The following LRRC37A variants were observed in gnomAD, a reference collection of about 807,000 sequenced individuals.
LRRC37A encodes leucine rich repeat containing 37A.
LRRC37A carries 3 observed loss-of-function variants against 35.4 expected under a neutral mutation model. The observed-to-expected ratio is 0.08, with a 90% CI of 0.04 to 0.22. The LOEUF (loss-of-function observed/expected upper bound fraction) is 0.22. Among genes scored for constraint, LRRC37A ranks in the 10% least tolerant of loss-of-function variants. The probability of loss-of-function intolerance (pLI) is 1.00; values close to 1 mark genes in which losing one functional copy is unlikely to be tolerated. For synonymous variants in LRRC37A, 23 were observed against 215.0 expected, an observed-to-expected ratio of 0.11 and a Z score of 7.81; for missense variants, 67 against 565.3, an observed-to-expected ratio of 0.12 and a Z score of 8.94.
the LRRC37A span, among the ~76,000 whole-genome samples, chr17:46,276,790 C>CTTTTCTTTTTT: frequency 3.7e-5 from 5 of 134,300 alleles, no homozygotes; most frequent in Non-Finnish European, 8.0e-5. Context: ...TTCTTTTTTT[C>CTTTTCTTTTTT]TTTTTTTTTT....
the LRRC37A span, among the ~76,000 whole-genome samples, chr17:46,277,653 C>CTTTCTTTCTTTCTTTTT: frequency 6.5e-5 from 9 of 137,860 alleles, no homozygotes; most frequent in Admixed American, 2.2e-4. Context: ...TTCTTTCTTT[C>CTTTCTTTCTTTCTTTTT]TTTTTTTTTT....
chr17:46,266,858 C>T, the LRRC37A span, among the ~76,000 whole-genome samples: 1 of 150,644 alleles, frequency 6.6e-6, no homozygotes, highest in Non-Finnish European at 1.5e-5. Context: ...CGCGTCGCCG[C>T]GCCGCGGGCC....
At chr17:46,252,919 CG>C in the LRRC37A span, among the ~76,000 whole-genome samples, 4 of 136,982 alleles carry the variant, frequency 2.9e-5, no homozygotes, top group East Asian at 2.1e-4. Context: ...GCTGGCCGGG[CG>C]GGGGGCTGAC....
At chr17:46,255,703 T>C in the LRRC37A span, among the ~76,000 whole-genome samples, 74 of 139,634 alleles carry the variant, frequency 5.3e-4, no homozygotes, top group African/African-American at 1.9e-3. Context: ...TGAGACGGAG[T>C]CTCGCTCTGT....
At chr17:46,279,500 CTTTT>C in the LRRC37A span, among the ~76,000 whole-genome samples, 5 of 122,462 alleles carry the variant, frequency 4.1e-5, no homozygotes, top group Non-Finnish European at 4.9e-5. Flanking sequence ...TTCTTTCTTT[CTTTT>C]TTTTTTTTTT....
At chr17:46,327,172 T>G (rs1379659630) in intron 7 of LRRC37A, among the ~76,000 whole-genome samples, 1 of 84,590 alleles carries the variant, frequency 1.2e-5, no homozygotes, top group Non-Finnish European at 3.4e-5. Flanking sequence ...AAGTTAAGCA[T>G]TTTTGGGAAA....
At chr17:46,286,049 C>A in the LRRC37A span, among the ~76,000 whole-genome samples, 1 of 152,214 alleles carries the variant, frequency 6.6e-6, no homozygotes, top group South Asian at 2.1e-4. Flanking sequence ...CAATGCAGCA[C>A]CCATGGTACC....
chr17:46,267,296 G>T, the LRRC37A span: 1 of 1,279,180 alleles, frequency 7.8e-7, no homozygotes, highest in South Asian at 1.5e-5. Flanking sequence ...GAGGAACTGG[G>T]GTTCCCAAAC....
the LRRC37A span, among the ~76,000 whole-genome samples, chr17:46,286,919 A>G: frequency 6.6e-6 from 1 of 152,224 alleles, no homozygotes; most frequent in Non-Finnish European, 1.5e-5. Flanking sequence ...ATGCCAACAC[A>G]TTCTCCATAA....
chr17:46,286,071 C>A, the LRRC37A span, among the ~76,000 whole-genome samples: 2 of 152,062 alleles, frequency 1.3e-5, no homozygotes, highest in Non-Finnish European at 2.9e-5. Flanking sequence ...ATTCTGACAC[C>A]GATCATGGCC....
chr17:46,308,015 T>G lies in LRRC37A; in HGVS notation c.2906+1706T>G, dbSNP rs1371319005. ...GGACAGAGTGAGACTCTGTCTCAAA[T>G]AATAATAATAATATAATAATAATAA... On this transcript the variant is annotated intron_variant, in intron 5 of 13. Coordinates refer to ENST00000320254, the Ensembl canonical transcript of LRRC37A. Among the ~76,000 whole-genome samples the G allele has an allele frequency of 5.5e-5, 4 of 72,962 alleles. 2 individuals are homozygous for G. The highest frequency in any genetic ancestry group is 1.4e-4 in the African/African-American group (4 of 28,566). 47.9% of individuals were successfully genotyped at this position (72,962 alleles called of 152,430 possible).
the LRRC37A span, among the ~76,000 whole-genome samples, chr17:46,259,018 T>TA: frequency 8.8e-6 from 1 of 113,246 alleles, no homozygotes; most frequent in African/African-American, 3.8e-5. Flanking sequence ...GCACCCGGCC[T>TA]ATTTTTTTTT....
chr17:46,265,324 CT>C, the LRRC37A span, among the ~76,000 whole-genome samples: 52 of 140,892 alleles, frequency 3.7e-4, no homozygotes, highest in African/African-American at 6.2e-4. Flanking sequence ...TCCTCTTCTT[CT>C]TTTTTTCTCC....
chr17:46,279,491 T>C, the LRRC37A span, among the ~76,000 whole-genome samples: 3 of 138,974 alleles, frequency 2.2e-5, no homozygotes, highest in Non-Finnish European at 4.6e-5. Flanking sequence ...GCCTTTTTTT[T>C]CTTTCTTTCT....
chr17:46,267,874 G>C, the LRRC37A span, among the ~76,000 whole-genome samples: 3 of 151,500 alleles, frequency 2.0e-5, no homozygotes, highest in Admixed American at 2.0e-4. Flanking sequence ...TTGGTAGCGG[G>C]GAATACCCAC....
the LRRC37A span, chr17:46,268,756 T>C: frequency 8.4e-7 from 1 of 1,192,536 alleles, no homozygotes; most frequent in South Asian, 2.0e-5. Flanking sequence ...GAAAGGTCTA[T>C]CTTCATGTAA....
chr17:46,265,269 TCTTCTTCTTCTTCTTC>T, the LRRC37A span, among the ~76,000 whole-genome samples: 1 of 54,962 alleles, frequency 1.8e-5, no homozygotes, highest in East Asian at 4.5e-4. Flanking sequence ...TTCTTCTTCT[TCTTCTTCTTCTTCTTC>T]TTCTTCTTCT....
chr17:46,258,384 T>C, the LRRC37A span, among the ~76,000 whole-genome samples: 1 of 152,144 alleles, frequency 6.6e-6, no homozygotes, highest in Non-Finnish European at 1.5e-5. Flanking sequence ...CTACTTTCTG[T>C]ATTTTTAATA....
At chr17:46,256,899 A>G in the LRRC37A span, among the ~76,000 whole-genome samples, 1 of 152,230 alleles carries the variant, frequency 6.6e-6, no homozygotes, top group Non-Finnish European at 1.5e-5. Context: ...GAAGGCGGCT[A>G]TGATTATCAA....
Sources: allele counts gnomAD v4.1 joint callset (sites outside exome capture counted in the v4.1 genomes callset), GRCh38; gene constraint gnomAD v4.1.1; transcripts MANE v1.5; gene names NCBI Gene and HGNC (gene_info 2026-07-23, HGNC 2026-07-21).